Variants in OSBPL9 observed in about 807,000 individuals in gnomAD.
The protein encoded by OSBPL9 is oxysterol binding protein like 9, also known as oxysterol-binding protein-related protein 9.
A neutral mutation model predicts 106.6 loss-of-function variants in OSBPL9; 40 were observed. The ratio of observed to expected loss-of-function variants is 0.38; its 90% CI spans 0.29 to 0.49. The LOEUF (loss-of-function observed/expected upper bound fraction) is 0.49, where lower values mean the gene tolerates loss of function less well. Among genes scored for constraint, OSBPL9 ranks in the 20% least tolerant of loss-of-function variants. The pLI, the probability that OSBPL9 is intolerant of heterozygous loss-of-function variation, is 0.97. For synonymous variants in OSBPL9, 269 were observed against 295.4 expected (o/e 0.91, Z 0.92); for missense variants, 609 against 887.2 (o/e 0.69, Z 3.98).
At chr1:51,568,345 C>T in the OSBPL9 span, among the ~76,000 whole-genome samples, 1 of 152,248 alleles carries the variant, frequency 6.6e-6, no homozygotes, top group South Asian at 2.1e-4. Context: ...AATTGTGGCT[C>T]AGAACAGTTA....
chr1:51,652,176 A>C (rs1026526929), intron 2 of OSBPL9, 135 bp downstream of exon 2: 3 of 626,768 alleles, frequency 4.8e-6, no homozygotes, highest in Non-Finnish European at 8.0e-6. Context: ...TCAGAGAGAA[A>C]ATGTGATTTC....
intron 3 of OSBPL9, among the ~76,000 whole-genome samples, chr1:51,694,132 T>A (rs1289872890): frequency 2.6e-5 from 4 of 152,218 alleles, no homozygotes; most frequent in African/African-American, 7.2e-5. Flanking sequence ...CTTTTCTTTA[T>A]GTGGGTTATA....
At chr1:51,669,879 G>A (rs528185918) in intron 3 of OSBPL9, 23 of 461,496 alleles carry the variant, frequency 5.0e-5, no homozygotes, top group African/African-American at 4.6e-4. Context: ...AAGACTGATT[G>A]TGAAGGTTGC....
chr1:51,756,737 C>T lies in OSBPL9; in HGVS notation c.582+379C>T, dbSNP rs142137833. On this transcript the variant is annotated intron_variant, in intron 9 of 23. Coordinates refer to ENST00000428468, the MANE Select transcript of OSBPL9 (RefSeq NM_024586.6). ...GTACAATATTGAAACACACCTTAATCTATTTGAATATATTTATAGGTTCCT... is the reference window on the plus strand; with the variant it reads ...GTACAATATTGAAACACACCTTAATTTATTTGAATATATTTATAGGTTCCT... 895 of 179,482 alleles carry T rather than the reference C, an allele frequency of 5.0e-3. 2 individuals are homozygous for T. The highest frequency in any genetic ancestry group is 0.02 in the African/African-American group (846 of 42,382). The allele number at this position is 179,482 out of a possible 1,614,324, so 11.1% of individuals were successfully genotyped here.
chr1:51,727,324 T>A (rs1663312051), intron 4 of OSBPL9, among the ~76,000 whole-genome samples: 1 of 152,192 alleles, frequency 6.6e-6, no homozygotes, highest in African/African-American at 2.4e-5. Flanking sequence ...CACCATTGTT[T>A]ATAGTTTATT....
intron 1 of OSBPL9, among the ~76,000 whole-genome samples, chr1:51,585,077 G>A (rs1368774997): frequency 6.6e-6 from 1 of 152,044 alleles, no homozygotes; most frequent in East Asian, 1.9e-4. Context: ...AAGAGGCTGA[G>A]GTGGGAGGAT....
chr1:51,651,920 C>A, intron 1 of OSBPL9, 71 bp from the exon 2 acceptor site: 1 of 1,244,768 alleles, frequency 8.0e-7, no homozygotes, highest in Non-Finnish European at 1.2e-6. Flanking sequence ...CCTTTTATCC[C>A]CAGATGATTC....
intron 3 of OSBPL9, among the ~76,000 whole-genome samples, chr1:51,688,122 G>T (rs1654219225): frequency 6.6e-6 from 1 of 152,110 alleles, no homozygotes; most frequent in Non-Finnish European, 1.5e-5. Context: ...AAACTTTTGA[G>T]GAATTTACAT....
At chr1:51,617,066 A>T (rs1237869679), upstream of OSBPL9, 3 of 1,565,926 alleles carry the variant, frequency 1.9e-6, no homozygotes, top group East Asian at 7.1e-5. Flanking sequence ...AATGCCATAT[A>T]GGCGAGTGAC....
At chr1:51,606,325 A>G (rs1643948451) in intron 2 of OSBPL9, among the ~76,000 whole-genome samples, 3 of 152,242 alleles carry the variant, frequency 2.0e-5, no homozygotes, top group South Asian at 4.1e-4. Flanking sequence ...GAACTATGTA[A>G]GACTGATCTC....
intron 11 of OSBPL9, among the ~76,000 whole-genome samples, chr1:51,763,454 C>T (rs1214840744): frequency 2.0e-5 from 3 of 152,168 alleles, no homozygotes; most frequent in African/African-American, 7.2e-5. Flanking sequence ...AAGGAAGCAT[C>T]TAGCACTTTT....
At chr1:51,676,648 G>T (rs1366176298) in intron 3 of OSBPL9, among the ~76,000 whole-genome samples, 2 of 123,550 alleles carry the variant, frequency 1.6e-5, no homozygotes, top group African/African-American at 6.3e-5. Flanking sequence ...GACAGAGCAA[G>T]ACTCCATCTA....
At chr1:51,703,951 T>G (rs994063762) in intron 3 of OSBPL9, among the ~76,000 whole-genome samples, 2 of 152,242 alleles carry the variant, frequency 1.3e-5, no homozygotes, top group African/African-American at 4.8e-5. Context: ...TTGATTTGCA[T>G]ATGTTGAACC....
rs114931375 is a variant in OSBPL9 at position 51,772,641 on chromosome 1, C to T, written c.1088C>T (p.Ala363Val). The T allele has an allele frequency of 2.0e-4, 321 of 1,614,030 alleles. No homozygotes were observed. In the African/African-American group the frequency reaches 3.6e-3, roughly 18 times the overall value. Residue 363 changes from alanine to valine, a missense_variant, in exon 14 of 24, where the codon GCG becomes GTG. Physicochemically the swap from Ala to Val is moderately conservative, Grantham distance 64. Transcript: ENST00000428468. ...FDSHDDRDDD[A>V]EAGSVEEHKS... ...TCACATGATGACAGAGATGATGATG[C>T]GGAGGCAGGGTCTGTGGAGGAGCAC...
the OSBPL9 span, chr1:51,519,230 A>T: frequency 3.4e-6 from 4 of 1,182,084 alleles, no homozygotes; most frequent in South Asian, 1.8e-5. Flanking sequence ...CGCCGCAGCC[A>T]TGGTGTTTCC....
intron 3 of OSBPL9, among the ~76,000 whole-genome samples, chr1:51,704,926 G>A (rs2148864240): frequency 6.6e-6 from 1 of 152,230 alleles, no homozygotes; most frequent in East Asian, 1.9e-4. Flanking sequence ...TCAGAGTGTT[G>A]CTACCTCCTT....
chr1:51,786,717 A>G lies in OSBPL9; in HGVS notation c.2000+100A>G, dbSNP rs542322228. 2.2e-5 allele frequency: 20 copies of G among 912,502 alleles called. No homozygotes were observed. The East Asian group carries it at 3.2e-4, about 15-fold the overall frequency. 56.5% of individuals were successfully genotyped at this position (912,502 alleles called of 1,614,324 possible). ...TTGAGAGACAGTAGGGCAGAGCATA[A>G]TAGTATAGACCAAGTTTGAATTCCT... On this transcript the variant is annotated intron_variant, in intron 22 of 23. Coordinates refer to ENST00000428468, the MANE Select transcript of OSBPL9 (RefSeq NM_024586.6).
intron 15 of OSBPL9, among the ~76,000 whole-genome samples, chr1:51,777,638 T>A (rs1192657294): frequency 6.6e-6 from 1 of 151,858 alleles, no homozygotes; most frequent in African/African-American, 2.4e-5. Flanking sequence ...ATATATATTT[T>A]TTTTTTCTTG....
chr1:51,521,814 A>G, the OSBPL9 span, among the ~76,000 whole-genome samples: 3 of 152,136 alleles, frequency 2.0e-5, no homozygotes, highest in African/African-American at 7.2e-5. Flanking sequence ...CTGGAGTGCA[A>G]CGGTGCAATC....
Sources: allele counts gnomAD v4.1 joint callset (sites outside exome capture counted in the v4.1 genomes callset), GRCh38; gene constraint gnomAD v4.1.1; transcripts MANE v1.5; gene names NCBI Gene and HGNC (gene_info 2026-07-23, HGNC 2026-07-21).